FAM216B: variants seen among roughly 807,000 people sequenced by gnomAD.
FAM216B encodes protein FAM216B.
Under a neutral mutation model 12.9 loss-of-function variants are expected in FAM216B, and 11 were observed. That is an observed-to-expected ratio of 0.86 (90% CI 0.54 to 1.42). The LOEUF is 1.42. Ranked by LOEUF, FAM216B falls within the 40% of genes most tolerant of loss-of-function variation. The pLI, the probability that FAM216B is intolerant of heterozygous loss-of-function variation, is 0.00. For synonymous variants in FAM216B, 52 were observed against 57.2 expected (o/e 0.91, Z 0.41); for missense variants, 167 against 162.9 (o/e 1.02, Z -0.14).
In FAM216B at chr13:42,786,861, C is replaced by G. The variant is rs758361979; in HGVS notation, c.198C>G (p.Ser66Arg). 1 of 1,613,964 alleles carries G rather than the reference C, an allele frequency of 6.2e-7. No individual in the cohort carries two copies. ...WEALQTRYIH[S>R]LQHQQLLGYI... ...CCCTGCAGACCCGCTACATTCACAG[C>G]CTTCAGCACCAACAGCTGCTTGGTA... Residue 66 changes from serine (S) to arginine (R), a missense_variant, in exon 3 of 4, where the codon AGC becomes AGG. Transcript: ENST00000313851.
chr13:42,786,787 T>C lies in FAM216B; in HGVS notation c.124T>C (p.Tyr42His). The C allele has an allele frequency of 6.2e-7, 1 of 1,614,096 alleles. No individual in the cohort carries two copies. The highest frequency in any genetic ancestry group is 8.5e-7 in the Non-Finnish European group (1 of 1,179,960). Residue 42 changes from tyrosine to histidine, a missense_variant, in exon 3 of 4, where the codon TAC becomes CAC. Tyr to His is a moderately conservative substitution (Grantham distance 83). Coordinates refer to ENST00000313851, the MANE Select transcript of FAM216B (RefSeq NM_001318932.2). ...GGCCCTCAACCAAGGGCAACAGCGC[T>C]ACTTTTACAGCATTATGAGGATTTA... ...LKALNQGQQR[Y>H]FYSIMRIYNS...
At position 42,784,113 on chromosome 13, in the gene FAM216B, C is replaced by T. The variant is rs1362150338; in HGVS notation, c.46C>T (p.Gln16Ter). The T allele has an allele frequency of 6.4e-7, 1 of 1,556,006 alleles. No homozygotes were observed. Among genetic ancestry groups the T allele is most frequent in the Non-Finnish European group, 8.7e-7 (1 of 1,144,578 alleles). Residue 16 changes from glutamine (Q) to a stop codon, truncating the protein, a stop_gained, in exon 2 of 4, where the codon CAA becomes TAA. Coordinates refer to ENST00000313851, the MANE Select transcript of FAM216B (RefSeq NM_001318932.2). LOFTEE classifies it high-confidence loss of function. ...ACAACAAAAGCTTTGGAATGTTCCA[C>T]AACTTCCTTTTATTCGAGTTCCTCC... ...KRQQKLWNVP[Q>*]LPFIRVPPSI...
intron 1 of FAM216B, among the ~76,000 whole-genome samples, chr13:42,782,335 T>C (rs1873887309): frequency 6.6e-6 from 1 of 152,188 alleles, no homozygotes; most frequent in Non-Finnish European, 1.5e-5. Context: ...CATTCTATAT[T>C]CACGATTTCA....
chr13:42,785,163 C>T (rs550095518), intron 2 of FAM216B, among the ~76,000 whole-genome samples: 6 of 152,290 alleles, frequency 3.9e-5, no homozygotes, highest in Non-Finnish European at 7.4e-5. Context: ...AATTCATTCT[C>T]TTCAAATATG....
At chr13:42,782,554 TCTTA>T (rs2138031406) in intron 1 of FAM216B, among the ~76,000 whole-genome samples, 1 of 152,346 alleles carries the variant, frequency 6.6e-6, no homozygotes, top group African/African-American at 2.4e-5. Flanking sequence ...TTTGCTGTGG[TCTTA>T]CTTTCTATCA....
chr13:42,784,364 C>T (rs1873987051), intron 2 of FAM216B, among the ~76,000 whole-genome samples, 198 bp downstream of exon 2: 3 of 152,064 alleles, frequency 2.0e-5, no homozygotes, highest in African/African-American at 7.2e-5. Flanking sequence ...TACACTCGTC[C>T]CATTTCAGGA....
In FAM216B at chr13:42,791,030, G is replaced by A. The variant is rs576802140; in HGVS notation, c.*2240G>A. ...AGACAACAAGTCTATCCCGCAAAGG[G>A]CAGGGAATAGAGGGTACACTGGAAA... On this transcript the variant is annotated 3_prime_UTR_variant, in exon 4 of 4. Transcript: ENST00000313851. The A allele has an allele frequency of 7.9e-5, 12 of 152,232 alleles. No homozygotes were observed. In the East Asian group the frequency reaches 2.3e-3, roughly 29 times the overall value. The allele number at this position is 152,232 out of a possible 1,614,324, so 9.4% of individuals were successfully genotyped here.
intron 2 of FAM216B, among the ~76,000 whole-genome samples, chr13:42,784,661 C>T (rs1223785085): frequency 1.1e-5 from 1 of 94,772 alleles, no homozygotes; most frequent in Non-Finnish European, 2.0e-5. Flanking sequence ...ACTAAAAATA[C>T]AAAAAAAAAA....
At chr13:42,786,668 G>C in intron 2 of FAM216B, 95 bp from the exon 3 acceptor site, 5 of 1,377,730 alleles carry the variant, frequency 3.6e-6, no homozygotes, top group Non-Finnish European at 4.8e-6. Flanking sequence ...AGCAAGAAAA[G>C]CCTCTTATTT....
Position 42,789,031 on chromosome 13 carries a change from C to A in FAM216B, c.*241C>A. 3.0e-6 allele frequency: 1 copy of A among 334,152 alleles called. No individual in the cohort carries two copies. Among genetic ancestry groups the A allele is most frequent in the Non-Finnish European group, 5.5e-6 (1 of 182,016 alleles). The allele number at this position is 334,152 out of a possible 1,614,324, so 20.7% of individuals were successfully genotyped here. The stretch of plus-strand genomic sequence containing the variant: ...AGAGTAAAAGGACTTTTAAAGCTTT[C>A]AAAGTAAAAGTTTACTTTGGATTAG... On this transcript the variant is annotated 3_prime_UTR_variant, in exon 4 of 4. Coordinates refer to ENST00000313851, the MANE Select transcript of FAM216B (RefSeq NM_001318932.2).
In FAM216B at chr13:42,782,334, T is replaced by G. The variant is rs117611483; in HGVS notation, c.-15+670T>G. Among the ~76,000 whole-genome samples, 1,211 of 152,304 alleles carry G rather than the reference T, an allele frequency of 8.0e-3. 5 individuals are homozygous for G. Among genetic ancestry groups the G allele is most frequent in the Non-Finnish European group, 0.012 (838 of 68,018 alleles). ...TGGCATAAAGTGAGAGCATTCTATATTCACGATTTCAGTGAATCAAACACC... is the reference window on the plus strand; with the variant it reads ...TGGCATAAAGTGAGAGCATTCTATAGTCACGATTTCAGTGAATCAAACACC... On this transcript the variant is annotated intron_variant, in intron 1 of 3. Coordinates refer to ENST00000313851, the MANE Select transcript of FAM216B (RefSeq NM_001318932.2).
At chr13:42,784,528 C>G (rs1316750314) in intron 2 of FAM216B, among the ~76,000 whole-genome samples, 1 of 151,640 alleles carries the variant, frequency 6.6e-6, no homozygotes, top group Non-Finnish European at 1.5e-5. Flanking sequence ...GTAAAAATTT[C>G]AGTTCTCGGC....
chr13:42,789,639 TGTGTGTG>T lies in FAM216B; in HGVS notation c.*850_*856del, dbSNP rs1874240627. ...GTTATTTTCATCACCAGAGATTTTG[TGTGTGTG>T]TGTGTGTGTGTGTGTGTGTGTGTTA... is the stretch of plus-strand genomic sequence containing the variant. On this transcript the variant is annotated 3_prime_UTR_variant, in exon 4 of 4. Transcript: ENST00000313851. 2.8e-4 allele frequency: 5 copies of T among 17,776 alleles called. No individual in the cohort carries two copies. Among genetic ancestry groups the T allele is most frequent in the Admixed American group, 2.2e-3 (4 of 1,816 alleles). 1.1% of individuals were successfully genotyped at this position (17,776 alleles called of 1,614,324 possible).
intron 3 of FAM216B, among the ~76,000 whole-genome samples, chr13:42,787,875 G>T (rs1462444960): frequency 6.6e-6 from 1 of 152,162 alleles, no homozygotes; most frequent in Non-Finnish European, 1.5e-5. Flanking sequence ...TATGTGGCAG[G>T]TGTCTTTATG....
At chr13:42,785,230 G>A (rs1535689) in intron 2 of FAM216B, among the ~76,000 whole-genome samples, 2 of 152,164 alleles carry the variant, frequency 1.3e-5, no homozygotes, top group East Asian at 3.9e-4. Flanking sequence ...CTCAAATTAT[G>A]AAGTACTTGG....
intron 1 of FAM216B, among the ~76,000 whole-genome samples, chr13:42,783,198 C>G (rs1283462130): frequency 6.6e-6 from 1 of 152,100 alleles, no homozygotes; most frequent in Non-Finnish European, 1.5e-5. Flanking sequence ...GTCCCAGCTA[C>G]TCAGGAGGCT....
chr13:42,786,621 C>T (rs1874098298), intron 2 of FAM216B, 142 bp from the exon 3 acceptor site: 2 of 1,024,004 alleles, frequency 2.0e-6, no homozygotes, highest in Non-Finnish European at 2.7e-6. Context: ...TTGTTATTTT[C>T]CAATTGTTGC....
At position 42,788,687 on chromosome 13, in the gene FAM216B, C is replaced by A. The variant is rs139228134; in HGVS notation, c.317C>A (p.Pro106His). 16 of 1,613,888 alleles carry A rather than the reference C, an allele frequency of 9.9e-6. No individual in the cohort carries two copies. In the African/African-American group the frequency reaches 1.7e-4, roughly 17 times the overall value. The change falls in exon 4 of 4, where the codon CCC becomes CAC. Residue 106 changes from proline to histidine, a missense_variant. By Grantham distance (77) the Pro-to-His change is moderately conservative. Coordinates refer to ENST00000313851, the MANE Select transcript of FAM216B (RefSeq NM_001318932.2). ...SAKVAPQRTI[P>H]RKTSAMTRRC... ...AAGGTAGCTCCTCAAAGAACCATTC[C>A]CCGGAAAACTTCAGCCATGACAAGA...
Position 42,784,166 on chromosome 13 carries a change from G to GGTAT in FAM216B, c.99+2_99+5dup. On this transcript the variant is annotated frameshift_variant and splice_region_variant. Coordinates refer to ENST00000313851, the MANE Select transcript of FAM216B (RefSeq NM_001318932.2). LOFTEE classifies it high-confidence loss of function. ...CCATCTATGACACTTCCTTACTAAA[G>GGTAT]GTATGGCTTTTTTTTTTTTTTTTTT... 1 of 1,217,204 alleles carries GGTAT rather than the reference G, an allele frequency of 8.2e-7. No homozygotes were observed. Among genetic ancestry groups the GGTAT allele is most frequent in the Non-Finnish European group, 1.1e-6 (1 of 873,682 alleles). The allele number at this position is 1,217,204 out of a possible 1,614,324, so 75.4% of individuals were successfully genotyped here.
Sources: gnomAD v4.1 joint callset for allele counts (sites outside exome capture counted in the v4.1 genomes callset) on GRCh38, gnomAD v4.1.1 for gene constraint, MANE v1.5 for transcripts, NCBI Gene and HGNC (gene_info 2026-07-23, HGNC 2026-07-21) for gene names.